SHCBP1L: variants seen among roughly 807,000 people sequenced by gnomAD.
SHCBP1L encodes SHC binding and spindle associated 1 like, also known as testicular spindle-associated protein SHCBP1L.
Under a neutral mutation model 62.5 loss-of-function variants are expected in SHCBP1L, and 67 were observed. The ratio of observed to expected loss-of-function variants is 1.07; its 90% CI spans 0.88 to 1.31. SHCBP1L has a LOEUF of 1.31. Among genes scored for constraint, SHCBP1L ranks in the 40% most tolerant of loss-of-function variants. The pLI is 0.00. For missense variants in SHCBP1L, 823 were observed against 809.8 expected, an observed-to-expected ratio of 1.02 and a Z score of -0.20; for synonymous variants, 284 against 289.4, an observed-to-expected ratio of 0.98 and a Z score of 0.19.
chr1:182,952,869 C>T lies in SHCBP1L; in HGVS notation c.265G>A (p.Ala89Thr), dbSNP rs778724547. The change falls in exon 1 of 10, where the codon GCG becomes ACG. Residue 89 changes from alanine (A) to threonine (T), a missense_variant. Coordinates refer to ENST00000367547, the MANE Select transcript of SHCBP1L (RefSeq NM_030933.4). ...GGCACTGGCAGCAGGGGCTCCTCCG[C>T]CGCCGCCGCCGCCGCCTCTCCCGTG... Reference protein sequence around the residue: ...EDTGEAAAAAAEEPLLPVPED... With the variant: ...EDTGEAAAAATEEPLLPVPED... The T allele has an allele frequency of 1.6e-5, 26 of 1,587,084 alleles. No individual in the cohort carries two copies. The Admixed American group carries it at 4.4e-4, about 27-fold the overall frequency.
chr1:182,916,278 G>T (rs1650353785), intron 6 of SHCBP1L, among the ~76,000 whole-genome samples: 2 of 151,936 alleles, frequency 1.3e-5, no homozygotes, highest in Admixed American at 6.6e-5. Context: ...AAAAAAGAAA[G>T]ATCTCAAATC....
At chr1:182,904,534 C>CGTGCGT (rs1380568112) in intron 7 of SHCBP1L, 104 bp from the exon 8 acceptor site, 38 of 599,688 alleles carry the variant, frequency 6.3e-5, no homozygotes, top group Middle Eastern at 4.4e-4. Flanking sequence ...TCCCTGTGTG[C>CGTGCGT]GTGTGTGTGT....
At chr1:182,900,864 T>G (rs76808119) in intron 9 of SHCBP1L, among the ~76,000 whole-genome samples, 1 of 151,614 alleles carries the variant, frequency 6.6e-6, no homozygotes, top group African/African-American at 2.4e-5. Flanking sequence ...AAGACCCTAT[T>G]CTCCACAAAA....
At chr1:182,926,945 A>G (rs759368785) in intron 6 of SHCBP1L, among the ~76,000 whole-genome samples, 1 of 151,116 alleles carries the variant, frequency 6.6e-6, no homozygotes, top group Admixed American at 6.6e-5. Flanking sequence ...ATGAGAAACT[A>G]AACTACAGAT....
intron 6 of SHCBP1L, among the ~76,000 whole-genome samples, chr1:182,924,723 A>G (rs1350976885): frequency 2.7e-5 from 2 of 74,778 alleles, no homozygotes; most frequent in African/African-American, 2.3e-4. Flanking sequence ...AAAGAAAGAA[A>G]GAAAGAAAGA....
intron 6 of SHCBP1L, 109 bp downstream of exon 6, chr1:182,929,538 A>G: frequency 3.4e-6 from 2 of 583,108 alleles, no homozygotes; most frequent in South Asian, 2.9e-5. Flanking sequence ...GAGGTAGTTG[A>G]GAAAATAAGG....
chr1:182,928,733 G>T (rs1490570053), intron 6 of SHCBP1L, among the ~76,000 whole-genome samples: 1 of 152,080 alleles, frequency 6.6e-6, no homozygotes. Flanking sequence ...ATGAAAGCAA[G>T]TCAATGGGAT....
rs1649925256 is a variant in SHCBP1L, at chr1:182,904,116, T to A, written c.1587+64A>T. The A allele has an allele frequency of 8.4e-6, 13 of 1,548,878 alleles. No individual in the cohort carries two copies. In the South Asian group the frequency reaches 1.5e-4, roughly 18 times the overall value. On this transcript the variant is annotated intron_variant, in intron 8 of 9. Transcript: ENST00000367547. Reference sequence around the variant, plus strand: ...GAAATTGCTACCCTTTATTTGTATATTAAGATCACTCAAAGCTGTCATCTA... The same window carrying A: ...GAAATTGCTACCCTTTATTTGTATAATAAGATCACTCAAAGCTGTCATCTA...
chr1:182,934,449 G>C (rs569144255), intron 5 of SHCBP1L, among the ~76,000 whole-genome samples: 1 of 152,214 alleles, frequency 6.6e-6, no homozygotes, highest in Admixed American at 6.5e-5. Flanking sequence ...AAATGAGGTT[G>C]AGCATCTCTT....
At chr1:182,928,574 C>T (rs1557998655) in intron 6 of SHCBP1L, among the ~76,000 whole-genome samples, 1 of 151,970 alleles carries the variant, frequency 6.6e-6, no homozygotes, top group Non-Finnish European at 1.5e-5. Context: ...GAGGAAACAA[C>T]ACAGCTTATC....
chr1:182,947,093 C>T (rs892517704), intron 2 of SHCBP1L, among the ~76,000 whole-genome samples: 3 of 151,918 alleles, frequency 2.0e-5, no homozygotes, highest in Admixed American at 6.6e-5. Flanking sequence ...AAAAATTAGC[C>T]GGGCATGGTG....
intron 5 of SHCBP1L, among the ~76,000 whole-genome samples, chr1:182,937,335 T>G (rs1256308497): frequency 6.6e-6 from 1 of 152,182 alleles, no homozygotes; most frequent in Non-Finnish European, 1.5e-5. Flanking sequence ...TTTCAACATT[T>G]TGAATATTTC....
At chr1:182,905,720 T>G in intron 6 of SHCBP1L, 71 bp from the exon 7 acceptor site, 1 of 1,447,850 alleles carries the variant, frequency 6.9e-7, no homozygotes, top group Non-Finnish European at 9.4e-7. Context: ...AATCAGTTAC[T>G]TACTGGACAA....
At chr1:182,942,336 G>A (rs2101954209) in intron 2 of SHCBP1L, 2 of 801,084 alleles carry the variant, frequency 2.5e-6, no homozygotes, top group Non-Finnish European at 4.6e-6. Context: ...GCTGACAACC[G>A]CCCCGATCTC....
chr1:182,912,905 G>A (rs112239348), intron 6 of SHCBP1L, among the ~76,000 whole-genome samples: 1 of 151,746 alleles, frequency 6.6e-6, no homozygotes, highest in African/African-American at 2.4e-5. Flanking sequence ...GGGAGGCTGA[G>A]GTGGGTGGAT....
intron 2 of SHCBP1L, among the ~76,000 whole-genome samples, chr1:182,946,603 A>G (rs1651573614): frequency 6.6e-6 from 1 of 151,968 alleles, no homozygotes. Context: ...ATGCTCCTCA[A>G]TTTGGCTTCT....
chr1:182,946,069 A>G (rs1373101070), intron 2 of SHCBP1L, among the ~76,000 whole-genome samples: 1 of 151,964 alleles, frequency 6.6e-6, no homozygotes, highest in Non-Finnish European at 1.5e-5. Flanking sequence ...TAAAAAAAAA[A>G]AAAAAAAAGG....
chr1:182,923,959 C>G (rs1650596124), intron 6 of SHCBP1L, among the ~76,000 whole-genome samples: 2 of 152,110 alleles, frequency 1.3e-5, no homozygotes, highest in African/African-American at 4.8e-5. Context: ...TCTTTAGAGA[C>G]TATATGATTT....
intron 6 of SHCBP1L, among the ~76,000 whole-genome samples, chr1:182,927,903 G>A (rs114774655): frequency 0.024 from 3,717 of 152,096 alleles, 99 homozygotes; most frequent in African/African-American, 0.062. Flanking sequence ...AGAAATTTCT[G>A]TCATATAAGA....
Sources: allele counts gnomAD v4.1 joint callset (sites outside exome capture counted in the v4.1 genomes callset), GRCh38; gene constraint gnomAD v4.1.1; transcripts MANE v1.5; gene names NCBI Gene and HGNC (gene_info 2026-07-23, HGNC 2026-07-21).